Variants in PCDHA2 observed in about 807,000 individuals in gnomAD.
PCDHA2 encodes the protein protocadherin alpha-2.
A neutral mutation model predicts 66.0 loss-of-function variants in PCDHA2; 58 were observed. That is an observed-to-expected ratio of 0.88 (90% CI 0.71 to 1.09). The LOEUF (loss-of-function observed/expected upper bound fraction) is 1.09, where lower values mean the gene tolerates loss of function less well. PCDHA2 is among the 50% of genes least tolerant of loss of function. The pLI is 0.00. For synonymous variants in PCDHA2, 634 were observed against 554.0 expected (o/e 1.14, Z -2.03); for missense variants, 1,267 against 1,242.3 (o/e 1.02, Z -0.30).
chr5:140,805,982 T>C (rs149261782), intron 1 of PCDHA2, among the ~76,000 whole-genome samples: 2 of 152,292 alleles, frequency 1.3e-5, no homozygotes, highest in East Asian at 1.9e-4. Flanking sequence ...CTTTAAAATA[T>C]ATATTCCAAA....
intron 1 of PCDHA2, among the ~76,000 whole-genome samples, chr5:140,934,086 G>C (rs540895208): frequency 1.3e-5 from 2 of 151,872 alleles, no homozygotes; most frequent in Admixed American, 1.3e-4. Context: ...TCGCTTTGTT[G>C]TATGTTTGCT....
chr5:140,802,490 C>A, intron 1 of PCDHA2: 1 of 1,614,190 alleles, frequency 6.2e-7, no homozygotes, highest in Non-Finnish European at 8.5e-7. Flanking sequence ...GGGACGGGGG[C>A]TCGCCTTCAC....
At chr5:140,818,598 G>A (rs1262716925) in intron 1 of PCDHA2, among the ~76,000 whole-genome samples, 4 of 152,138 alleles carry the variant, frequency 2.6e-5, no homozygotes, top group Admixed American at 2.6e-4. Flanking sequence ...ACACCTGTGT[G>A]GGCCATGACA....
chr5:140,912,235 C>G (rs562096532), intron 1 of PCDHA2, among the ~76,000 whole-genome samples: 2 of 151,858 alleles, frequency 1.3e-5, no homozygotes, highest in South Asian at 4.2e-4. Context: ...TCCACTGACT[C>G]AAATGTTAAT....
At chr5:141,002,567 C>T (rs2098086110) in intron 3 of PCDHA2, among the ~76,000 whole-genome samples, 1 of 152,210 alleles carries the variant, frequency 6.6e-6, no homozygotes, top group Admixed American at 6.5e-5. Context: ...CAGTTAGTGA[C>T]CATGTGACCA....
intron 1 of PCDHA2, chr5:140,882,150 C>T: frequency 1.3e-6 from 2 of 1,501,768 alleles, no homozygotes; most frequent in Non-Finnish European, 1.8e-6. Context: ...TAGCAGAAAG[C>T]GGAATACCTC....
chr5:140,943,620 A>G (rs1285848217), intron 1 of PCDHA2, among the ~76,000 whole-genome samples: 1 of 152,200 alleles, frequency 6.6e-6, no homozygotes, highest in Non-Finnish European at 1.5e-5. Context: ...ATTCATCTGC[A>G]TAAGGAAGCT....
intron 1 of PCDHA2, among the ~76,000 whole-genome samples, chr5:140,886,029 T>C (rs1464446627): frequency 1.3e-5 from 2 of 152,180 alleles, no homozygotes; most frequent in Non-Finnish European, 2.9e-5. Context: ...TATTCTTCAC[T>C]AAGTTTTCCC....
chr5:140,878,537 C>G (rs1554170454), intron 1 of PCDHA2, among the ~76,000 whole-genome samples: 2 of 152,152 alleles, frequency 1.3e-5, no homozygotes, highest in African/African-American at 4.8e-5. Flanking sequence ...GTGGCTCAAA[C>G]CAGTTTCAGA....
intron 1 of PCDHA2, chr5:140,856,278 A>G (rs1428005980): frequency 4.4e-6 from 7 of 1,598,190 alleles, no homozygotes; most frequent in Non-Finnish European, 6.0e-6. Context: ...CTGGAGGTAA[A>G]TCTGCAGAAT....
At chr5:140,882,732 A>G (rs782399296) in intron 1 of PCDHA2, 3 of 1,614,228 alleles carry the variant, frequency 1.9e-6, no homozygotes, top group Non-Finnish European at 2.5e-6. Context: ...TTTCCACTAG[A>G]TGGCGCATCC....
intron 3 of PCDHA2, among the ~76,000 whole-genome samples, chr5:140,984,534 G>C (rs1261585417): frequency 6.6e-6 from 1 of 152,136 alleles, no homozygotes; most frequent in Non-Finnish European, 1.5e-5. Context: ...TTCATGGACT[G>C]TGCTGGATAG....
chr5:140,874,444 T>C (rs2054916108), intron 1 of PCDHA2, among the ~76,000 whole-genome samples: 1 of 152,222 alleles, frequency 6.6e-6, no homozygotes, highest in South Asian at 2.1e-4. Context: ...TCCTAACTAC[T>C]AAATGACCTG....
At position 140,797,127 on chromosome 5, in the gene PCDHA2, G is replaced by A. The variant is rs782162758; in HGVS notation, c.2163G>A (p.Leu721=). Residue 721 remains leucine (L), a synonymous_variant, in exon 1 of 4, where the codon CTG becomes CTA. Coordinates refer to ENST00000526136, the MANE Select transcript of PCDHA2 (RefSeq NM_018905.3). ...TCACGGTGCTGCTGTACACTGCGCT[G>A]CGGTGCTCGGTGCCACCCACCGAGG... ...LVLTVLLYTA[L]RCSVPPTEGA... 2 of 1,614,012 alleles carry A rather than the reference G, an allele frequency of 1.2e-6. No homozygotes were observed. The highest frequency in any genetic ancestry group is 2.2e-5 in the South Asian group (2 of 91,082).
chr5:140,938,166 G>A (rs2091953104), intron 1 of PCDHA2, among the ~76,000 whole-genome samples: 2 of 151,980 alleles, frequency 1.3e-5, no homozygotes, highest in South Asian at 4.1e-4. Flanking sequence ...GGCTAGTCTG[G>A]AGCTCCTGGG....
At chr5:141,000,422 T>TATC (rs1491457105) in intron 3 of PCDHA2, among the ~76,000 whole-genome samples, 2 of 51,852 alleles carry the variant, frequency 3.9e-5, no homozygotes, top group African/African-American at 1.7e-4. Context: ...TATATATATA[T>TATC]TTTTTTTTTT....
chr5:140,997,123 A>T (rs1409528818), intron 3 of PCDHA2, among the ~76,000 whole-genome samples: 1 of 152,070 alleles, frequency 6.6e-6, no homozygotes, highest in African/African-American at 2.4e-5. Flanking sequence ...TCCCACATAC[A>T]CAATGCCCCC....
At chr5:140,828,668 G>A (rs2150157803) in intron 1 of PCDHA2, 1 of 1,614,160 alleles carries the variant, frequency 6.2e-7, no homozygotes, top group East Asian at 2.2e-5. Context: ...TAAACAAATT[G>A]GGCTCTTATT....
intron 1 of PCDHA2, among the ~76,000 whole-genome samples, chr5:140,964,823 G>A (rs541084771): frequency 2.6e-5 from 4 of 152,218 alleles, no homozygotes; most frequent in Non-Finnish European, 1.5e-5. Context: ...AGATTTTGAT[G>A]AAAATTGCTT....
Sources: gnomAD v4.1 joint callset for allele counts (sites outside exome capture counted in the v4.1 genomes callset) on GRCh38, gnomAD v4.1.1 for gene constraint, MANE v1.5 for transcripts, NCBI Gene and HGNC (gene_info 2026-07-23, HGNC 2026-07-21) for gene names.